FRMD5: variants seen among roughly 807,000 people sequenced by gnomAD.
FRMD5 encodes the protein FERM domain-containing protein 5.
Under a neutral mutation model 69.0 loss-of-function variants are expected in FRMD5, and 20 were observed. The observed-to-expected ratio is 0.29, with a 90% CI of 0.20 to 0.42. FRMD5 has a LOEUF of 0.42. Among genes scored for constraint, FRMD5 ranks in the 10% least tolerant of loss-of-function variants. The probability of loss-of-function intolerance (pLI) is 1.00; values close to 1 mark genes in which losing one functional copy is unlikely to be tolerated. For synonymous variants in FRMD5, 271 were observed against 260.1 expected (o/e 1.04, Z -0.40); for missense variants, 595 against 708.6 (o/e 0.84, Z 1.82).
intron 1 of FRMD5, among the ~76,000 whole-genome samples, chr15:43,981,085 C>G (rs944454417): frequency 3.3e-5 from 5 of 152,082 alleles, no homozygotes; most frequent in African/African-American, 1.2e-4. Flanking sequence ...ATGTGATCGT[C>G]ACTCACTGCA....
intron 1 of FRMD5, among the ~76,000 whole-genome samples, chr15:43,981,875 A>C (rs2090553411): frequency 6.6e-6 from 1 of 152,164 alleles, no homozygotes; most frequent in South Asian, 2.1e-4. Flanking sequence ...CCATGTTTTA[A>C]ACCTTTAAAC....
chr15:44,169,036 A>C (rs2077756748), intron 1 of FRMD5, among the ~76,000 whole-genome samples: 1 of 152,222 alleles, frequency 6.6e-6, no homozygotes, highest in Non-Finnish European at 1.5e-5. Context: ...ACGTGCAATC[A>C]TTGGTCACAG....
intron 1 of FRMD5, among the ~76,000 whole-genome samples, chr15:43,949,427 A>T (rs543171648): frequency 2.6e-5 from 4 of 152,280 alleles, no homozygotes; most frequent in African/African-American, 9.6e-5. Context: ...ACTTCCTACT[A>T]AACTGTGAGC....
intron 7 of FRMD5, chr15:43,901,804 G>A (rs983945278): frequency 4.2e-5 from 9 of 215,570 alleles, no homozygotes; most frequent in East Asian, 1.3e-4. Context: ...ACCCACTCTC[G>A]GAAAGAAACT....
At chr15:44,196,862 T>C (rs1263369069), upstream of FRMD5, among the ~76,000 whole-genome samples, 3 of 151,874 alleles carry the variant, frequency 2.0e-5, no homozygotes, top group Non-Finnish European at 4.4e-5. Context: ...TTTGTGGCAT[T>C]TAATAGCCAT....
intron 1 of FRMD5, among the ~76,000 whole-genome samples, chr15:44,063,287 G>A (rs1046681921): frequency 6.6e-6 from 1 of 151,900 alleles, no homozygotes; most frequent in African/African-American, 2.4e-5. Flanking sequence ...TTTCTTCCTG[G>A]GTGAGCTTTG....
At chr15:43,984,889 T>A in intron 1 of FRMD5, among the ~76,000 whole-genome samples, 1 of 148,066 alleles carries the variant, frequency 6.8e-6, no homozygotes, top group Non-Finnish European at 1.5e-5. Flanking sequence ...GAGGCTGAGG[T>A]GGGAGAATCG....
chr15:44,096,527 T>C (rs1037150184), intron 1 of FRMD5, among the ~76,000 whole-genome samples: 3 of 151,638 alleles, frequency 2.0e-5, no homozygotes, highest in African/African-American at 7.3e-5. Flanking sequence ...CTCAGCCTCC[T>C]GGGTAGCTGG....
chr15:44,010,397 TTTC>T (rs2140208794), intron 1 of FRMD5, among the ~76,000 whole-genome samples: 1 of 55,602 alleles, frequency 1.8e-5, no homozygotes, highest in Non-Finnish European at 4.3e-5. Context: ...CTTTTTTCCT[TTTC>T]TTTTTTTTTT....
chr15:44,070,275 G>C (rs985422365), intron 1 of FRMD5, among the ~76,000 whole-genome samples: 1 of 150,894 alleles, frequency 6.6e-6, no homozygotes, highest in African/African-American at 2.4e-5. Context: ...AGGAGTTCAA[G>C]ACCAGCCTGG....
intron 13 of FRMD5, among the ~76,000 whole-genome samples, chr15:43,883,337 A>C (rs539834290): frequency 6.6e-6 from 1 of 152,244 alleles, no homozygotes; most frequent in Admixed American, 6.5e-5. Context: ...ACCTCAAGTG[A>C]TCCACCCATC....
At chr15:43,891,568 T>A (rs2088793543) in intron 8 of FRMD5, among the ~76,000 whole-genome samples, 1 of 152,144 alleles carries the variant, frequency 6.6e-6, no homozygotes. Context: ...GCCCCTCCCT[T>A]GTTAGTAGAG....
chr15:44,052,391 A>G (rs764567912), intron 1 of FRMD5, among the ~76,000 whole-genome samples: 2 of 152,122 alleles, frequency 1.3e-5, no homozygotes, highest in South Asian at 4.1e-4. Context: ...CCTATATTGT[A>G]TATTTCCTGT....
chr15:44,171,804 C>T (rs550445958), intron 1 of FRMD5, among the ~76,000 whole-genome samples: 9 of 152,308 alleles, frequency 5.9e-5, no homozygotes, highest in African/African-American at 1.9e-4. Flanking sequence ...CGCTCTGTCA[C>T]TCAGGCTGGA....
rs1018153566 is a variant in FRMD5 at position 43,924,381 on chromosome 15, A to G, written c.103-72T>C. 13 of 1,053,844 alleles carry G rather than the reference A, an allele frequency of 1.2e-5. No individual in the cohort carries two copies. The African/African-American group carries it at 1.8e-4, about 15-fold the overall frequency. The allele number at this position is 1,053,844 out of a possible 1,614,324, so 65.3% of individuals were successfully genotyped here. On this transcript the variant is annotated intron_variant, in intron 1 of 13. Coordinates refer to ENST00000417257, the MANE Select transcript of FRMD5 (RefSeq NM_032892.5). ...TGTAACTTTTTTTTTTTTTATAGCCATTAAAAGTTGTTTGTAACTGTTGCA... is the reference window on the plus strand; with the variant it reads ...TGTAACTTTTTTTTTTTTTATAGCCGTTAAAAGTTGTTTGTAACTGTTGCA...
intron 1 of FRMD5, among the ~76,000 whole-genome samples, chr15:43,948,761 T>A (rs2089984601): frequency 6.6e-6 from 1 of 152,212 alleles, no homozygotes; most frequent in Non-Finnish European, 1.5e-5. Context: ...AGGCCTGTAC[T>A]GTCCCCTAAC....
chr15:43,932,296 G>A (rs2089689312), intron 1 of FRMD5, among the ~76,000 whole-genome samples: 1 of 152,222 alleles, frequency 6.6e-6, no homozygotes, highest in South Asian at 2.1e-4. Flanking sequence ...CCACCTTGTA[G>A]TGTCCCCAAG....
chr15:43,894,159 C>CA (rs1381499660), intron 7 of FRMD5, among the ~76,000 whole-genome samples: 5 of 152,160 alleles, frequency 3.3e-5, no homozygotes, highest in Admixed American at 3.3e-4. Flanking sequence ...GCACTACACA[C>CA]AAACACTGTT....
At chr15:44,087,335 A>G (rs1030393263) in intron 1 of FRMD5, among the ~76,000 whole-genome samples, 1 of 152,196 alleles carries the variant, frequency 6.6e-6, no homozygotes, top group Non-Finnish European at 1.5e-5. Flanking sequence ...TTTAAAATAG[A>G]GTAAGTAGAA....
Sources: gnomAD v4.1 joint callset for allele counts (sites outside exome capture counted in the v4.1 genomes callset) on GRCh38, gnomAD v4.1.1 for gene constraint, MANE v1.5 for transcripts, NCBI Gene and HGNC (gene_info 2026-07-23, HGNC 2026-07-21) for gene names.